PCCA: variants seen among roughly 807,000 people sequenced by gnomAD.
PCCA encodes propionyl-CoA carboxylase alpha chain, mitochondrial.
Under a neutral mutation model 101.3 loss-of-function variants are expected in PCCA, and 74 were observed. That is an observed-to-expected ratio of 0.73 (90% CI 0.61 to 0.89). The LOEUF (loss-of-function observed/expected upper bound fraction) is 0.89, where lower values mean the gene tolerates loss of function less well. Ranked by LOEUF, PCCA falls within the 40% of genes least tolerant of loss-of-function variation. The pLI, the probability that PCCA is intolerant of heterozygous loss-of-function variation, is 0.00. For missense variants in PCCA, 891 were observed against 907.0 expected, an observed-to-expected ratio of 0.98 and a Z score of 0.23; for synonymous variants, 294 against 313.6, an observed-to-expected ratio of 0.94 and a Z score of 0.66.
In PCCA at chr13:100,178,395, C is replaced by T. The variant is rs181241076; in HGVS notation, c.468+21055C>T. On this transcript the variant is annotated intron_variant, in intron 6 of 23. Coordinates refer to ENST00000376285, the MANE Select transcript of PCCA (RefSeq NM_000282.4). ...AAACTATACAAAACACTTTTATAGT[C>T]ATTTTGATGCCTGATAACTTCAGGG... Among the ~76,000 whole-genome samples the T allele has an allele frequency of 6.5e-4, 99 of 152,278 alleles. 1 individual carries two copies. Among genetic ancestry groups the T allele is most frequent in the Admixed American group, 3.9e-3 (59 of 15,304 alleles).
chr13:100,256,128 C>T (rs1228030814), intron 8 of PCCA, among the ~76,000 whole-genome samples: 1 of 152,122 alleles, frequency 6.6e-6, no homozygotes, highest in Non-Finnish European at 1.5e-5. Flanking sequence ...TTGCCTCAGC[C>T]TCTGAGTAGC....
At chr13:100,186,750 A>C (rs2057309357) in intron 6 of PCCA, among the ~76,000 whole-genome samples, 3 of 139,720 alleles carry the variant, frequency 2.1e-5, no homozygotes, top group Non-Finnish European at 4.7e-5. Context: ...AAAAAAAAAC[A>C]AAAAAAAAAA....
At chr13:100,147,027 G>A (rs533126135) in intron 4 of PCCA, among the ~76,000 whole-genome samples, 4 of 149,462 alleles carry the variant, frequency 2.7e-5, no homozygotes, top group African/African-American at 9.9e-5. Flanking sequence ...AAAAAAAACT[G>A]AGTGATAAAA....
chr13:100,320,956 G>T (rs1473121141), intron 16 of PCCA, among the ~76,000 whole-genome samples: 2 of 152,220 alleles, frequency 1.3e-5, no homozygotes, highest in East Asian at 3.9e-4. Flanking sequence ...TTGTTGTCCA[G>T]GCTGGTCACA....
At chr13:100,325,273 T>A (rs2068538341) in intron 16 of PCCA, among the ~76,000 whole-genome samples, 1 of 152,102 alleles carries the variant, frequency 6.6e-6, no homozygotes, top group East Asian at 1.9e-4. Context: ...AATATGACTG[T>A]CTATGGGAAA....
At chr13:100,328,404 AATG>A (rs71199597) in intron 16 of PCCA, among the ~76,000 whole-genome samples, 1 of 144,788 alleles carries the variant, frequency 6.9e-6, no homozygotes. Flanking sequence ...TAATAATAAT[AATG>A]ATGATAATAA....
chr13:100,298,185 T>A (rs2065705464), intron 12 of PCCA, among the ~76,000 whole-genome samples: 1 of 152,128 alleles, frequency 6.6e-6, no homozygotes, highest in Admixed American at 6.6e-5. Flanking sequence ...GGAGTAACAA[T>A]AAGGGAATTC....
chr13:100,303,766 A>G (rs1420034695), intron 14 of PCCA, among the ~76,000 whole-genome samples: 2 of 152,160 alleles, frequency 1.3e-5, no homozygotes, highest in Admixed American at 1.3e-4. Flanking sequence ...TATTGGATAT[A>G]TGATTTATTT....
chr13:100,123,092 T>C (rs2049571749), intron 4 of PCCA, among the ~76,000 whole-genome samples: 1 of 152,248 alleles, frequency 6.6e-6, no homozygotes, highest in African/African-American at 2.4e-5. Flanking sequence ...ATTCTCACTC[T>C]GTCGTCCAGG....
intron 4 of PCCA, among the ~76,000 whole-genome samples, chr13:100,119,122 C>G (rs549851484): frequency 6.6e-6 from 1 of 152,086 alleles, no homozygotes; most frequent in Non-Finnish European, 1.5e-5. Flanking sequence ...TGTTTGCTGT[C>G]TGTGGAGTAA....
rs574782419 is a variant in PCCA, at chr13:100,456,839, G to A, written c.1899+7534G>A. Reference sequence around the variant, plus strand: ...TGACCGTTGAAGCACAGCATCACAGGGAGGGGTTTAGGACTCCAGATGACT... The same window carrying A: ...TGACCGTTGAAGCACAGCATCACAGAGAGGGGTTTAGGACTCCAGATGACT... On this transcript the variant is annotated intron_variant, in intron 21 of 23. Coordinates refer to ENST00000376285, the MANE Select transcript of PCCA (RefSeq NM_000282.4). 2.6e-5 allele frequency among the ~76,000 whole-genome samples: 4 copies of A among 152,288 alleles called. No individual in the cohort carries two copies. The South Asian group carries it at 8.3e-4, about 32-fold the overall frequency.
chr13:100,505,824 G>A (rs1226668975), intron 21 of PCCA, among the ~76,000 whole-genome samples: 1 of 149,534 alleles, frequency 6.7e-6, no homozygotes, highest in Non-Finnish European at 1.5e-5. Flanking sequence ...CCATGCCTGG[G>A]TGCCAGAGTG....
chr13:100,156,819 G>A (rs769818931), intron 5 of PCCA, among the ~76,000 whole-genome samples: 8 of 152,190 alleles, frequency 5.3e-5, no homozygotes, highest in African/African-American at 1.9e-4. Context: ...TTACCAGTTC[G>A]TGAGTACTGT....
intron 6 of PCCA, among the ~76,000 whole-genome samples, chr13:100,176,924 T>C (rs962301053): frequency 3.3e-5 from 5 of 152,214 alleles, no homozygotes; most frequent in African/African-American, 1.2e-4. Flanking sequence ...AGATGACTAC[T>C]TGAAACTGTT....
At chr13:100,487,010 A>G (rs1282989129) in intron 21 of PCCA, among the ~76,000 whole-genome samples, 1 of 152,214 alleles carries the variant, frequency 6.6e-6, no homozygotes, top group African/African-American at 2.4e-5. Context: ...TCATGCTCTT[A>G]TGTTAGCATC....
At chr13:100,198,276 C>T (rs2058243814) in intron 6 of PCCA, 1 of 152,218 alleles carries the variant, frequency 6.6e-6, no homozygotes, top group South Asian at 2.1e-4. Flanking sequence ...CTCATCTCGT[C>T]TGTGATTTCA....
intron 9 of PCCA, among the ~76,000 whole-genome samples, chr13:100,262,476 A>G (rs2152564538): frequency 6.6e-6 from 1 of 152,290 alleles, no homozygotes; most frequent in East Asian, 1.9e-4. Context: ...TGAGAAGTTA[A>G]ATAACTCATC....
chr13:100,381,588 T>C (rs530893276), intron 19 of PCCA, among the ~76,000 whole-genome samples: 2 of 152,366 alleles, frequency 1.3e-5, no homozygotes, highest in East Asian at 1.9e-4. Context: ...TAAGTATTTA[T>C]GTATTTCTTT....
intron 12 of PCCA, among the ~76,000 whole-genome samples, chr13:100,280,197 CTG>C (rs2063982889): frequency 6.6e-6 from 1 of 152,010 alleles, no homozygotes; most frequent in Non-Finnish European, 1.5e-5. Context: ...GTTTATGTAA[CTG>C]AATTACCTTT....
Sources: allele counts gnomAD v4.1 joint callset (sites outside exome capture counted in the v4.1 genomes callset), GRCh38; gene constraint gnomAD v4.1.1; transcripts MANE v1.5; gene names NCBI Gene and HGNC (gene_info 2026-07-23, HGNC 2026-07-21).